PCDHGB2: variants seen among roughly 807,000 people sequenced by gnomAD.
The protein encoded by PCDHGB2 is protocadherin gamma subfamily B, 2, also known as protocadherin gamma-B2.
In PCDHGB2, 55 loss-of-function variants were observed where a neutral mutation model predicts 59.3. That is an observed-to-expected ratio of 0.93 (90% CI 0.75 to 1.16). The LOEUF (loss-of-function observed/expected upper bound fraction) is 1.16, where lower values mean the gene tolerates loss of function less well. Among genes scored for constraint, PCDHGB2 ranks in the 50% most tolerant of loss-of-function variants. The probability of loss-of-function intolerance (pLI) is 0.00; values close to 1 mark genes in which losing one functional copy is unlikely to be tolerated. For missense variants in PCDHGB2, 1,228 were observed against 1,198.5 expected (o/e 1.02, Z -0.36); for synonymous variants, 516 against 512.0 (o/e 1.01, Z -0.11).
At chr5:141,393,912 G>A (rs1430302094) in intron 1 of PCDHGB2, 1 of 1,613,924 alleles carries the variant, frequency 6.2e-7, no homozygotes. Context: ...GACAGTAATT[G>A]CCTTCTTGAG....
chr5:141,364,482 A>G, intron 1 of PCDHGB2: 1 of 1,614,024 alleles, frequency 6.2e-7, no homozygotes, highest in South Asian at 1.1e-5. Flanking sequence ...ATAGCCAAGG[A>G]CCTTGGGCTG....
intron 1 of PCDHGB2, among the ~76,000 whole-genome samples, chr5:141,445,554 C>T (rs898901856): frequency 3.3e-5 from 5 of 152,102 alleles, no homozygotes; most frequent in African/African-American, 1.2e-4. Context: ...TACAAAAGCA[C>T]TAAGAGAAAG....
chr5:141,414,040 C>T, intron 1 of PCDHGB2: 2 of 1,611,438 alleles, frequency 1.2e-6, no homozygotes, highest in Non-Finnish European at 1.7e-6. Context: ...CCGAAAATTA[C>T]CTGACACGCA....
chr5:141,426,363 C>T (rs994657779), intron 1 of PCDHGB2: 12 of 202,404 alleles, frequency 5.9e-5, no homozygotes, highest in East Asian at 4.4e-4. Context: ...CTTTGTTCTG[C>T]GGGGCACCCT....
intron 1 of PCDHGB2, chr5:141,389,470 C>T (rs776427212): frequency 1.2e-6 from 2 of 1,613,240 alleles, no homozygotes; most frequent in East Asian, 2.2e-5. Context: ...TTCGAACTCA[C>T]ACTGCAGGCC....
chr5:141,361,493 AAC>A lies in PCDHGB2; in HGVS notation c.1360_1361del (p.Gln454AspfsTer24). ...GTCAACGATAATGCCCCAGTTTTCC[AAC>A]AGACTTCCTACATGGTTCACGTGGC... On this transcript the variant is annotated frameshift_variant, in exon 1 of 4. Coordinates refer to ENST00000522605, the MANE Select transcript of PCDHGB2 (RefSeq NM_018923.3). LOFTEE classifies it high-confidence loss of function. The A allele has an allele frequency of 6.2e-7, 1 of 1,614,036 alleles. No individual in the cohort carries two copies. Among genetic ancestry groups the A allele is most frequent in the Non-Finnish European group, 8.5e-7 (1 of 1,179,886 alleles).
At chr5:141,376,728 G>A (rs1773296004) in intron 1 of PCDHGB2, 1 of 538,000 alleles carries the variant, frequency 1.9e-6, no homozygotes, top group Non-Finnish European at 3.1e-6. Context: ...CGCCCAGGCC[G>A]GACTGCGGAC....
chr5:141,509,572 G>T (rs955898202), intron 3 of PCDHGB2, among the ~76,000 whole-genome samples: 24 of 152,300 alleles, frequency 1.6e-4, no homozygotes, highest in Middle Eastern at 3.4e-3. Context: ...CCTTCACAGT[G>T]CGTACAAATC....
intron 1 of PCDHGB2, chr5:141,392,999 C>A: frequency 6.2e-7 from 1 of 1,613,858 alleles, no homozygotes; most frequent in Non-Finnish European, 8.5e-7. Context: ...TGGCGAAGCA[C>A]GGAGTCCGTA....
chr5:141,438,617 TATATATATATATATATATACACAC>T (rs1311176771), intron 1 of PCDHGB2, among the ~76,000 whole-genome samples: 58 of 37,154 alleles, frequency 1.6e-3, no homozygotes, highest in African/African-American at 7.8e-3. Flanking sequence ...TATATATATA[TATATATATATATATATATACACAC>T]ACACACACAC....
At chr5:141,418,894 A>G (rs200182481) in intron 1 of PCDHGB2, 2 of 1,614,004 alleles carry the variant, frequency 1.2e-6, no homozygotes, top group East Asian at 4.5e-5. Context: ...ACAACAGCCC[A>G]GAAATAATCA....
chr5:141,503,377 A>G lies in PCDHGB2; in HGVS notation c.2481-2016A>G, dbSNP rs534841057. Among the ~76,000 whole-genome samples, 4 of 152,142 alleles carry G rather than the reference A, an allele frequency of 2.6e-5. No homozygotes were observed. In the East Asian group the frequency reaches 7.8e-4, roughly 30 times the overall value. The stretch of plus-strand genomic sequence containing the variant: ...TTTGGGAAGCGGAGGCAGGTGGATC[A>G]TGAGGTCAGGAGTTCGAAACCAACC... On this transcript the variant is annotated intron_variant, in intron 2 of 3. Coordinates refer to ENST00000522605, the MANE Select transcript of PCDHGB2 (RefSeq NM_018923.3).
chr5:141,369,402 C>A (rs1207187527), intron 1 of PCDHGB2, among the ~76,000 whole-genome samples: 2 of 152,072 alleles, frequency 1.3e-5, no homozygotes, highest in Non-Finnish European at 2.9e-5. Flanking sequence ...CAGGGTGGTT[C>A]ATGACTATAA....
Position 141,420,095 on chromosome 5 carries a change from G to A in PCDHGB2, c.2421+57539G>A, listed in dbSNP as rs1382286285. 2.5e-6 allele frequency: 4 copies of A among 1,613,882 alleles called. No individual in the cohort carries two copies. Among genetic ancestry groups the A allele is most frequent in the Admixed American group, 1.7e-5 (1 of 60,010 alleles). ...TGTGGGTCCCCCCAACTACAGTGAGGGAACGTTGCCCTATGCCTATAATTT... is the reference window on the plus strand; with the variant it reads ...TGTGGGTCCCCCCAACTACAGTGAGAGAACGTTGCCCTATGCCTATAATTT... On this transcript the variant is annotated intron_variant, in intron 1 of 3. Coordinates refer to ENST00000522605, the MANE Select transcript of PCDHGB2 (RefSeq NM_018923.3).
At chr5:141,366,741 G>T in intron 1 of PCDHGB2, 1 of 1,611,828 alleles carries the variant, frequency 6.2e-7, no homozygotes, top group South Asian at 1.1e-5. Context: ...AAAGAAGAAC[G>T]GCGAGTTCAG....
intron 1 of PCDHGB2, among the ~76,000 whole-genome samples, chr5:141,470,055 G>A (rs1432696943): frequency 1.3e-5 from 2 of 152,192 alleles, no homozygotes; most frequent in Non-Finnish European, 1.5e-5. Context: ...TTTGAACCCC[G>A]GAGGCAGAGA....
chr5:141,385,420 A>T, intron 1 of PCDHGB2: 1 of 1,465,218 alleles, frequency 6.8e-7, no homozygotes, highest in Non-Finnish European at 9.0e-7. Flanking sequence ...AGGGATTTAA[A>T]AAACTTTATA....
intron 1 of PCDHGB2, chr5:141,365,998 C>G: frequency 6.2e-7 from 1 of 1,614,234 alleles, no homozygotes. Context: ...TGGACCAGAA[C>G]GACAATACGC....
Position 141,360,011 on chromosome 5 carries a change from A to T in PCDHGB2, c.-125A>T. ...GGAACTTCCTGCACAAACCAACCAC[A>T]CAGAGAAGGCCAGTATAGATTCGGA... On this transcript the variant is annotated 5_prime_UTR_variant, in exon 1 of 4. Transcript: ENST00000522605. The T allele has an allele frequency of 2.0e-5, 25 of 1,240,972 alleles. No individual in the cohort carries two copies. The highest frequency in any genetic ancestry group is 2.7e-5 in the Non-Finnish European group (25 of 925,824). 76.9% of individuals were successfully genotyped at this position (1,240,972 alleles called of 1,614,324 possible).
Sources: allele counts gnomAD v4.1 joint callset (sites outside exome capture counted in the v4.1 genomes callset), GRCh38; gene constraint gnomAD v4.1.1; transcripts MANE v1.5; gene names NCBI Gene and HGNC (gene_info 2026-07-23, HGNC 2026-07-21).